Variants in NUP153 observed in about 807,000 individuals in gnomAD.
NUP153 encodes the protein nucleoporin 153.
NUP153 carries 27 observed loss-of-function variants against 134.6 expected under a neutral mutation model. That is an observed-to-expected ratio of 0.20 (90% CI 0.15 to 0.28). The LOEUF (loss-of-function observed/expected upper bound fraction) is 0.28, where lower values mean the gene tolerates loss of function less well. Among genes scored for constraint, NUP153 ranks in the 10% least tolerant of loss-of-function variants. The pLI, the probability that NUP153 is intolerant of heterozygous loss-of-function variation, is 1.00. For missense variants in NUP153, 1,821 were observed against 1,731.3 expected (o/e 1.05, Z -0.92); for synonymous variants, 640 against 623.5 (o/e 1.03, Z -0.40).
chr6:17,659,609 A>G (rs1374798305), intron 11 of NUP153, among the ~76,000 whole-genome samples: 2 of 152,142 alleles, frequency 1.3e-5, no homozygotes, highest in Non-Finnish European at 1.5e-5. Context: ...AGTAGCTGGG[A>G]CTACACACAT....
At chr6:17,691,006 G>A (rs1300516615) in intron 1 of NUP153, among the ~76,000 whole-genome samples, 1 of 152,178 alleles carries the variant, frequency 6.6e-6, no homozygotes, top group Non-Finnish European at 1.5e-5. Flanking sequence ...GCCGGGTGTG[G>A]TGGTGTGCAT....
In NUP153 at chr6:17,626,078, T is replaced by G; in HGVS notation, c.3631A>C (p.Ile1211Leu). 1 of 1,614,016 alleles carries G rather than the reference T, an allele frequency of 6.2e-7. No homozygotes were observed. Among genetic ancestry groups the G allele is most frequent in the Non-Finnish European group, 8.5e-7 (1 of 1,180,024 alleles). ...STPATSAGGG[I>L]FGSSTSSSNP... ...GAGGAAGAGGTGGAACTACCAAATA[T>G]GCCACCACCAGCAGAAGTGGCTGGT... is the stretch of plus-strand genomic sequence containing the variant. Residue 1211 changes from isoleucine (I) to leucine (L), a missense_variant, in exon 19 of 22, where the codon ATA becomes CTA. By Grantham distance (5) the Ile-to-Leu change is conservative. Coordinates refer to ENST00000262077, the MANE Select transcript of NUP153 (RefSeq NM_005124.4).
At chr6:17,648,424 C>T (rs1319585395) in intron 12 of NUP153, among the ~76,000 whole-genome samples, 1 of 152,126 alleles carries the variant, frequency 6.6e-6, no homozygotes, top group African/African-American at 2.4e-5. Flanking sequence ...CAAGATCAGC[C>T]TAACCAACAT....
chr6:17,694,854 C>T (rs537675736), intron 1 of NUP153, among the ~76,000 whole-genome samples: 4 of 152,004 alleles, frequency 2.6e-5, no homozygotes, highest in South Asian at 2.1e-4. Context: ...TGGTGGGCAC[C>T]TGTAGACCCA....
intron 11 of NUP153, among the ~76,000 whole-genome samples, chr6:17,656,182 G>A (rs1453988031): frequency 4.6e-5 from 7 of 152,184 alleles, no homozygotes; most frequent in Non-Finnish European, 8.8e-5. Context: ...TCCACCCTGG[G>A]AGACAGAGCA....
Position 17,669,321 on chromosome 6 carries a change from G to T in NUP153, c.986C>A (p.Pro329Gln). The T allele has an allele frequency of 6.2e-7, 1 of 1,610,066 alleles. No individual in the cohort carries two copies. The highest frequency in any genetic ancestry group is 8.5e-7 in the Non-Finnish European group (1 of 1,176,694). ...ATTCAGAGGAGAAGAAACAATGGAT[G>T]GAATTCTTTTTGCATCCTGTTAAAG... is the stretch of plus-strand genomic sequence containing the variant. ...SSPLADAKRI[P>Q]SIVSSPLNSP... Residue 329 changes from proline to glutamine, a missense_variant, in exon 7 of 22, where the codon CCA (proline) becomes CAA (glutamine). By Grantham distance (76) the Pro-to-Gln change is moderately conservative. Coordinates refer to ENST00000262077, the MANE Select transcript of NUP153 (RefSeq NM_005124.4).
Position 17,626,260 on chromosome 6 carries a change from T to A in NUP153, c.3545-96A>T, listed in dbSNP as rs574503858. The A allele has an allele frequency of 1.6e-4, 125 of 803,856 alleles. No homozygotes were observed. In the African/African-American group the frequency reaches 1.8e-3, roughly 12 times the overall value. 49.8% of individuals were successfully genotyped at this position (803,856 alleles called of 1,614,324 possible). A position where few individuals can be genotyped will look rare whatever the true frequency, so the allele number is the denominator to read the frequency against. ...TACAATTGCTAGAATTTTCCTACCC[T>A]AGAATTCGCTAGAAAATAGATTTTT... On this transcript the variant is annotated intron_variant, in intron 18 of 21. Coordinates refer to ENST00000262077, the MANE Select transcript of NUP153 (RefSeq NM_005124.4).
chr6:17,629,173 T>C lies in NUP153; in HGVS notation c.3026A>G (p.Glu1009Gly). 1 of 1,613,274 alleles carries C rather than the reference T, an allele frequency of 6.2e-7. No homozygotes were observed. Among genetic ancestry groups the C allele is most frequent in the Non-Finnish European group, 8.5e-7 (1 of 1,179,846 alleles). Residue 1009 changes from glutamate to glycine, a missense_variant, in exon 18 of 22, where the codon GAA (glutamate) becomes GGA (glycine). Physicochemically the swap from Glu to Gly is moderately conservative, Grantham distance 98 (BLOSUM62 -2). Coordinates refer to ENST00000262077, the MANE Select transcript of NUP153 (RefSeq NM_005124.4). ...AGATTTGGGCAGTTCCTCTTTCTTT[T>C]CTTCCTGTCCAAGATTAGATACCCC... ...QFGVSNLGQE[E>G]KKEELPKSSS...
rs986979052 is a variant in NUP153, at chr6:17,632,688, C to A, written c.2621G>T (p.Cys874Phe). The A allele has an allele frequency of 6.2e-7, 1 of 1,612,286 alleles. No homozygotes were observed. The highest frequency in any genetic ancestry group is 1.3e-5 in the African/African-American group (1 of 74,914). ...TTTTGTGCCTGGCTTTGCACTTTCA[C>A]ATGCCAAACATTTGGTAGAGTCTGC... ...NKADSTKCLA[C>F]ESAKPGTKSG... The change falls in exon 17 of 22, where the codon TGT (cysteine) becomes TTT (phenylalanine). Residue 874 changes from cysteine (C) to phenylalanine (F), a missense_variant. Physicochemically the swap from Cys to Phe is radical, Grantham distance 205. Transcript: ENST00000262077.
At position 17,675,921 on chromosome 6, in the gene NUP153, C is replaced by T. The variant is rs1047487736; in HGVS notation, c.335-151G>A. The T allele has an allele frequency of 7.0e-6, 5 of 713,084 alleles. No individual in the cohort carries two copies. The African/African-American group carries it at 9.0e-5, about 13-fold the overall frequency. The allele number at this position is 713,084 out of a possible 1,614,324, so 44.2% of individuals were successfully genotyped here. A position where few individuals can be genotyped will look rare whatever the true frequency, so the allele number is the denominator to read the frequency against. On this transcript the variant is annotated intron_variant, in intron 2 of 21. Transcript: ENST00000262077. The surrounding 1 kb of genome is among the most constrained non-coding windows in gnomAD (Gnocchi z 4.4). ...CATAATAAGCCCAATATAACATACT[C>T]CTAGGCAAAACAAAGTTTCAACTAA...
chr6:17,669,622 A>C, intron 5 of NUP153, 76 bp from the exon 6 acceptor site: 2 of 971,338 alleles, frequency 2.1e-6, no homozygotes, highest in Non-Finnish European at 3.3e-6. Context: ...AAATATTTAC[A>C]AGATAGAATG....
At chr6:17,646,228 G>A in intron 13 of NUP153, 74 bp from the exon 14 acceptor site, 1 of 760,060 alleles carries the variant, frequency 1.3e-6, no homozygotes, top group Non-Finnish European at 2.2e-6. Flanking sequence ...ATTCCCCCGA[G>A]ACGGAGTCTT....
chr6:17,646,219 T>A, intron 13 of NUP153, 65 bp from the exon 14 acceptor site: 1 of 831,690 alleles, frequency 1.2e-6, no homozygotes, highest in Non-Finnish European at 2.0e-6. Flanking sequence ...AGCTTTTTTA[T>A]TCCCCCGAGA....
Position 17,632,644 on chromosome 6 carries a change from C to A in NUP153, c.2659+6G>T. ...ATCACCTTTATTTTTATTTTTTTGGCCTTACCTTTAAACCCAGATTTTGTG... is the reference window on the plus strand; with the variant it reads ...ATCACCTTTATTTTTATTTTTTTGGACTTACCTTTAAACCCAGATTTTGTG... On this transcript the variant is annotated splice_donor_region_variant and intron_variant, in intron 17 of 21. Coordinates refer to ENST00000262077, the MANE Select transcript of NUP153 (RefSeq NM_005124.4). 6.3e-7 allele frequency: 1 copy of A among 1,580,748 alleles called. No homozygotes were observed.
chr6:17,694,192 A>G (rs1042665807), intron 1 of NUP153, among the ~76,000 whole-genome samples: 3 of 152,174 alleles, frequency 2.0e-5, no homozygotes, highest in Non-Finnish European at 4.4e-5. Flanking sequence ...TATCCTCTGT[A>G]TTTAATGCTT....
chr6:17,630,476 A>G (rs1449067257), intron 17 of NUP153, among the ~76,000 whole-genome samples: 1 of 152,100 alleles, frequency 6.6e-6, no homozygotes, highest in Non-Finnish European at 1.5e-5. Flanking sequence ...CCTGGCCAAC[A>G]TGGCGAAACC....
intron 16 of NUP153, among the ~76,000 whole-genome samples, chr6:17,636,902 A>T (rs1212629988): frequency 6.6e-6 from 1 of 152,226 alleles, no homozygotes; most frequent in Admixed American, 6.5e-5. Context: ...ACTTTGAACA[A>T]GAAATTTCTG....
At chr6:17,661,262 C>T (rs575937905) in intron 11 of NUP153, among the ~76,000 whole-genome samples, 26 of 151,990 alleles carry the variant, frequency 1.7e-4, no homozygotes, top group Non-Finnish European at 3.4e-4. Flanking sequence ...TGCACTGAGC[C>T]GAGACTGCGC....
chr6:17,643,551 T>C (rs1207419320), intron 14 of NUP153, among the ~76,000 whole-genome samples: 1 of 152,214 alleles, frequency 6.6e-6, no homozygotes, highest in Non-Finnish European at 1.5e-5. Flanking sequence ...ACGTTCTATC[T>C]TCCTTTATAA....
Sources: gnomAD v4.1 joint callset for allele counts (sites outside exome capture counted in the v4.1 genomes callset) on GRCh38, gnomAD v4.1.1 for gene constraint, Gnocchi (gnomAD v3.1) non-coding constraint, MANE v1.5 for transcripts, NCBI Gene and HGNC (gene_info 2026-07-23, HGNC 2026-07-21) for gene names.